COMMD1: variants seen among roughly 807,000 people sequenced by gnomAD.
The protein encoded by COMMD1 is copper metabolism domain containing 1, also known as COMM domain-containing protein 1.
COMMD1 carries 10 observed loss-of-function variants against 17.2 expected under a neutral mutation model. The ratio of observed to expected loss-of-function variants is 0.58; its 90% CI spans 0.36 to 0.99. The LOEUF (loss-of-function observed/expected upper bound fraction) is 0.99, where lower values mean the gene tolerates loss of function less well. Ranked by LOEUF, COMMD1 falls within the 50% of genes least tolerant of loss-of-function variation. COMMD1 has a pLI of 0.01. For synonymous variants in COMMD1, 97 were observed against 91.6 expected (o/e 1.06, Z -0.34); for missense variants, 270 against 231.8 (o/e 1.17, Z -1.07).
At chr2:62,025,897 T>C (rs533728090) in intron 2 of COMMD1, among the ~76,000 whole-genome samples, 33 of 152,264 alleles carry the variant, frequency 2.2e-4, no homozygotes, top group Admixed American at 8.5e-4. Flanking sequence ...TTTCGCCATG[T>C]TGGCCAGCCT....
At chr2:62,094,088 C>T (rs34671119) in intron 2 of COMMD1, among the ~76,000 whole-genome samples, 8 of 152,066 alleles carry the variant, frequency 5.3e-5, no homozygotes, top group Admixed American at 2.0e-4. Flanking sequence ...ATGGGAGTTT[C>T]CTGTAATTTT....
chr2:61,973,125 C>G (rs1256900410), intron 1 of COMMD1, among the ~76,000 whole-genome samples: 1 of 152,044 alleles, frequency 6.6e-6, no homozygotes, highest in Admixed American at 6.6e-5. Flanking sequence ...ATATTCTAGT[C>G]CATTGTTTGG....
intron 2 of COMMD1, among the ~76,000 whole-genome samples, chr2:62,131,153 T>A (rs1412963386): frequency 6.6e-6 from 1 of 152,160 alleles, no homozygotes; most frequent in Non-Finnish European, 1.5e-5. Flanking sequence ...GAGACAAAAA[T>A]TTGAATATTT....
chr2:61,944,231 C>T (rs1670845405), intron 1 of COMMD1, among the ~76,000 whole-genome samples: 1 of 152,088 alleles, frequency 6.6e-6, no homozygotes, highest in Non-Finnish European at 1.5e-5. Context: ...GCAGGTGGAT[C>T]ACTTGAGCTC....
At chr2:62,080,735 C>T (rs1671491166) in intron 2 of COMMD1, among the ~76,000 whole-genome samples, 1 of 151,716 alleles carries the variant, frequency 6.6e-6, no homozygotes, top group Non-Finnish European at 1.5e-5. Flanking sequence ...ATCATTTCTC[C>T]TGCAAATACA....
At chr2:61,983,284 G>C (rs1268819745) in intron 1 of COMMD1, among the ~76,000 whole-genome samples, 1 of 151,538 alleles carries the variant, frequency 6.6e-6, no homozygotes, top group African/African-American at 2.4e-5. Flanking sequence ...CCGCATCCTG[G>C]GTTCAAGTGA....
intron 1 of COMMD1, among the ~76,000 whole-genome samples, chr2:61,937,995 GTATAGTCT>G (rs777664889): frequency 1.6e-4 from 24 of 152,292 alleles, no homozygotes; most frequent in Non-Finnish European, 2.9e-4. Context: ...GAGGATGCCT[GTATAGTCT>G]TAGTAGCAAG....
At chr2:61,977,260 T>C (rs954262866) in intron 1 of COMMD1, among the ~76,000 whole-genome samples, 1 of 149,268 alleles carries the variant, frequency 6.7e-6, no homozygotes, top group Non-Finnish European at 1.5e-5. Context: ...TTTTTTTTTT[T>C]TTTGAGACAG....
chr2:62,006,130 G>T (rs1459923981), intron 2 of COMMD1, among the ~76,000 whole-genome samples: 1 of 144,848 alleles, frequency 6.9e-6, no homozygotes, highest in Non-Finnish European at 1.5e-5. Flanking sequence ...TCACTCATAG[G>T]TGGGAATTGA....
chr2:62,008,999 G>T (rs1669204476), intron 2 of COMMD1, among the ~76,000 whole-genome samples: 1 of 152,162 alleles, frequency 6.6e-6, no homozygotes, highest in African/African-American at 2.4e-5. Flanking sequence ...GGCCAGGCTG[G>T]TCTTGAACTC....
chr2:61,890,161 C>G (rs956442453), intron 1 of COMMD1, among the ~76,000 whole-genome samples: 2 of 152,124 alleles, frequency 1.3e-5, no homozygotes, highest in African/African-American at 4.8e-5. Context: ...GGTTCAGAAA[C>G]AAATGTTCAA....
chr2:62,012,164 C>G (rs1317823404), intron 2 of COMMD1, among the ~76,000 whole-genome samples: 1 of 151,186 alleles, frequency 6.6e-6, no homozygotes, highest in Non-Finnish European at 1.5e-5. Flanking sequence ...GGCTGAGGAA[C>G]GAGAATCACT....
At chr2:62,129,845 G>C (rs1283972746) in intron 2 of COMMD1, among the ~76,000 whole-genome samples, 1 of 152,174 alleles carries the variant, frequency 6.6e-6, no homozygotes, top group East Asian at 1.9e-4. Flanking sequence ...AGCCCAAACA[G>C]AGGATAGGCT....
At chr2:61,987,763 T>C (rs987017613) in intron 1 of COMMD1, among the ~76,000 whole-genome samples, 9 of 152,178 alleles carry the variant, frequency 5.9e-5, no homozygotes, top group Admixed American at 1.3e-4. Context: ...ATTCAGGGGA[T>C]TGAGTTCTCC....
intron 1 of COMMD1, among the ~76,000 whole-genome samples, chr2:61,965,299 A>G (rs1400428045): frequency 6.6e-6 from 1 of 152,176 alleles, no homozygotes; most frequent in East Asian, 1.9e-4. Flanking sequence ...TTTTTCTGAA[A>G]TATTTTTTAA....
At chr2:61,889,159 T>C (rs1242715590) in intron 1 of COMMD1, among the ~76,000 whole-genome samples, 1 of 138,280 alleles carries the variant, frequency 7.2e-6, no homozygotes, top group African/African-American at 2.7e-5. Context: ...CGCCTCGGGC[T>C]CCCAAAGTGT....
rs528262435 is a variant in COMMD1, at chr2:62,063,870, T to A, written c.462+62888T>A. Among the ~76,000 whole-genome samples the A allele has an allele frequency of 4.9e-4, 22 of 44,498 alleles. 1 individual carries two copies. Among genetic ancestry groups the A allele is most frequent in the South Asian group, 1.4e-3 (1 of 728 alleles). 29.2% of individuals were successfully genotyped at this position (44,498 alleles called of 152,430 possible). ...ACATAGTGACACTGTCTCTACAAAA[T>A]ATATATATATATATATATATATATA... is the stretch of plus-strand genomic sequence containing the variant. On this transcript the variant is annotated intron_variant, in intron 2 of 2. Coordinates refer to ENST00000311832, the MANE Select transcript of COMMD1 (RefSeq NM_152516.4).
At position 61,936,188 on chromosome 2, in the gene COMMD1, C is replaced by T. The variant is rs1265672118; in HGVS notation, c.180+30330C>T. 7.2e-5 allele frequency among the ~76,000 whole-genome samples: 11 copies of T among 152,050 alleles called. No homozygotes were observed. The East Asian group carries it at 1.5e-3, about 21-fold the overall frequency. ...TTATCAGTTTTGATGCACCTATTAG[C>T]GTCTCTGGTAGGGTTCTGGAAATTC... On this transcript the variant is annotated intron_variant, in intron 1 of 2. Coordinates refer to ENST00000311832, the MANE Select transcript of COMMD1 (RefSeq NM_152516.4).
intron 2 of COMMD1, among the ~76,000 whole-genome samples, chr2:62,048,989 A>C (rs1670462999): frequency 2.0e-5 from 3 of 152,128 alleles, no homozygotes; most frequent in Admixed American, 2.0e-4. Context: ...AGTCTTAATA[A>C]TTTTTAGATG....
Sources: gnomAD v4.1 joint callset for allele counts (sites outside exome capture counted in the v4.1 genomes callset) on GRCh38, gnomAD v4.1.1 for gene constraint, MANE v1.5 for transcripts, NCBI Gene and HGNC (gene_info 2026-07-23, HGNC 2026-07-21) for gene names.